Variants in RGS6 observed in about 807,000 individuals in gnomAD.
The protein encoded by RGS6 is regulator of G protein signaling 6.
Under a neutral mutation model 78.5 loss-of-function variants are expected in RGS6, and 30 were observed. The ratio of observed to expected loss-of-function variants is 0.38; its 90% CI spans 0.29 to 0.52. The LOEUF (loss-of-function observed/expected upper bound fraction) is 0.52, where lower values mean the gene tolerates loss of function less well. Ranked by LOEUF, RGS6 falls within the 20% of genes least tolerant of loss-of-function variation. The probability of loss-of-function intolerance (pLI) is 0.85; values close to 1 mark genes in which losing one functional copy is unlikely to be tolerated. For missense variants in RGS6, 495 were observed against 609.7 expected (o/e 0.81, Z 1.98); for synonymous variants, 206 against 206.0 (o/e 1.00, Z 0.00).
At chr14:72,309,997 C>T (rs1215549971) in intron 2 of RGS6, among the ~76,000 whole-genome samples, 1 of 152,230 alleles carries the variant, frequency 6.6e-6, no homozygotes, top group Non-Finnish European at 1.5e-5. Context: ...TTCAGGGTGC[C>T]AGCTGCCCAT....
intron 1 of RGS6, among the ~76,000 whole-genome samples, chr14:71,954,185 G>C (rs2092609442): frequency 6.6e-6 from 1 of 151,644 alleles, no homozygotes; most frequent in Admixed American, 6.6e-5. Context: ...GGTGTTTACT[G>C]ACTTTTCTGG....
At chr14:72,286,220 T>C (rs2062521227) in intron 2 of RGS6, among the ~76,000 whole-genome samples, 1 of 152,230 alleles carries the variant, frequency 6.6e-6, no homozygotes, top group Admixed American at 6.5e-5. Context: ...TTTCATTCTT[T>C]TGCATATAAG....
At chr14:72,000,177 T>A (rs1199768471) in intron 2 of RGS6, among the ~76,000 whole-genome samples, 3 of 152,214 alleles carry the variant, frequency 2.0e-5, no homozygotes, top group African/African-American at 7.2e-5. Context: ...GAATTTTGTG[T>A]AAGTCAGAAG....
At chr14:72,301,849 C>G (rs1251242312) in intron 2 of RGS6, among the ~76,000 whole-genome samples, 2 of 151,994 alleles carry the variant, frequency 1.3e-5, no homozygotes, top group Non-Finnish European at 2.9e-5. Context: ...ATTAGGGACC[C>G]ACACTACTCC....
the RGS6 span, among the ~76,000 whole-genome samples, chr14:72,617,889 C>T: frequency 6.6e-6 from 1 of 151,852 alleles, no homozygotes; most frequent in Non-Finnish European, 1.5e-5. Flanking sequence ...CGCGAGGGTT[C>T]CGCTCACCGA....
intron 2 of RGS6, among the ~76,000 whole-genome samples, chr14:72,157,608 C>T (rs1567336261): frequency 6.6e-6 from 1 of 152,104 alleles, no homozygotes. Context: ...ATTTTCAGGA[C>T]CACTTGGAAG....
At chr14:72,560,019 G>A (rs1167971508) in intron 17 of RGS6, among the ~76,000 whole-genome samples, 1 of 152,166 alleles carries the variant, frequency 6.6e-6, no homozygotes, top group African/African-American at 2.4e-5. Context: ...TGCAGTGAAG[G>A]TTTGGGCAAC....
In RGS6 at chr14:72,409,291, G is replaced by A. The variant is rs551984077; in HGVS notation, c.185-45237G>A. Among the ~76,000 whole-genome samples the A allele has an allele frequency of 6.6e-5, 10 of 152,328 alleles. No homozygotes were observed. In the East Asian group the frequency reaches 1.4e-3, roughly 21 times the overall value. On this transcript the variant is annotated intron_variant, in intron 3 of 17. Transcript: ENST00000553525. ...AAGGTTCAGAGAGCTCTACCCAGCA[G>A]CATGGGTAGTGAGCTTTAATAGGCG...
At chr14:72,244,774 G>A (rs1372684347) in intron 2 of RGS6, among the ~76,000 whole-genome samples, 7 of 152,096 alleles carry the variant, frequency 4.6e-5, no homozygotes, top group Non-Finnish European at 1.0e-4. Context: ...GGCAATAAGA[G>A]GTGCATTGTC....
At chr14:72,066,500 GTT>G (rs59912697) in intron 2 of RGS6, among the ~76,000 whole-genome samples, 43,274 of 137,110 alleles carry the variant, frequency 0.32, 7,605 homozygotes, top group East Asian at 0.57. Context: ...TGTCAGAAGG[GTT>G]TTTTTTTTTT....
intron 12 of RGS6, among the ~76,000 whole-genome samples, chr14:72,480,298 G>A (rs2096344194): frequency 6.6e-6 from 1 of 152,198 alleles, no homozygotes; most frequent in South Asian, 2.1e-4. Context: ...GCAGACTCCA[G>A]GGCAGGTGTG....
At chr14:72,398,078 G>A (rs2091754902) in intron 3 of RGS6, among the ~76,000 whole-genome samples, 1 of 152,114 alleles carries the variant, frequency 6.6e-6, no homozygotes, top group African/African-American at 2.4e-5. Flanking sequence ...AATGAGTTAG[G>A]GAGGATTCCC....
the RGS6 span, among the ~76,000 whole-genome samples, chr14:72,628,344 T>A: frequency 1.3e-5 from 2 of 152,124 alleles, no homozygotes; most frequent in African/African-American, 4.8e-5. Flanking sequence ...ACACTGTTTT[T>A]TTAAAACTGA....
chr14:72,453,391 G>A (rs1377192161), intron 3 of RGS6, among the ~76,000 whole-genome samples: 2 of 151,532 alleles, frequency 1.3e-5, no homozygotes, highest in East Asian at 3.9e-4. Context: ...CGAGGCGGGC[G>A]GATCACGAGG....
At chr14:72,086,212 A>T (rs12883161) in intron 2 of RGS6, among the ~76,000 whole-genome samples, 41 of 152,072 alleles carry the variant, frequency 2.7e-4, no homozygotes, top group Non-Finnish European at 2.4e-4. Flanking sequence ...TACTGATAAC[A>T]TGATGGGAGA....
At chr14:72,337,231 C>T (rs1024362264) in intron 2 of RGS6, among the ~76,000 whole-genome samples, 1 of 150,954 alleles carries the variant, frequency 6.6e-6, no homozygotes, top group Non-Finnish European at 1.5e-5. Context: ...CTCCCACCCC[C>T]ATCACCCATT....
chr14:72,305,833 T>C (rs2067114821), intron 2 of RGS6, among the ~76,000 whole-genome samples: 1 of 152,160 alleles, frequency 6.6e-6, no homozygotes, highest in Non-Finnish European at 1.5e-5. Context: ...ATGACTAAGC[T>C]TGGTGAGGAA....
At chr14:72,439,074 T>G (rs986903205) in intron 3 of RGS6, among the ~76,000 whole-genome samples, 1 of 152,194 alleles carries the variant, frequency 6.6e-6, no homozygotes, top group East Asian at 1.9e-4. Context: ...TGAATGAAGT[T>G]TATTGCACTC....
At chr14:72,158,836 C>T (rs2096810568) in intron 2 of RGS6, among the ~76,000 whole-genome samples, 1 of 143,092 alleles carries the variant, frequency 7.0e-6, no homozygotes. Flanking sequence ...TCCGGTATAA[C>T]ATTGCAGGGA....
Sources: gnomAD v4.1 joint callset for allele counts (sites outside exome capture counted in the v4.1 genomes callset) on GRCh38, gnomAD v4.1.1 for gene constraint, MANE v1.5 for transcripts, NCBI Gene and HGNC (gene_info 2026-07-23, HGNC 2026-07-21) for gene names.